Variants in NEGR1 observed in about 807,000 individuals in gnomAD.
NEGR1 encodes IgLON family member 4.
Under a neutral mutation model 40.9 loss-of-function variants are expected in NEGR1, and 10 were observed. The observed-to-expected ratio is 0.24, with a 90% confidence interval of 0.15 to 0.42. NEGR1 has a LOEUF of 0.42. Ranked by LOEUF, NEGR1 falls within the 10% of genes least tolerant of loss-of-function variation. NEGR1 has a pLI of 1.00. For missense variants in NEGR1, 352 were observed against 438.9 expected (o/e 0.80, Z 1.77); for synonymous variants, 185 against 166.8 (o/e 1.11, Z -0.84).
chr1:71,839,328 C>T (rs1054486118), intron 2 of NEGR1, among the ~76,000 whole-genome samples: 3 of 151,082 alleles, frequency 2.0e-5, no homozygotes, highest in African/African-American at 4.9e-5. Flanking sequence ...CTCAGCCTCC[C>T]GAGTAGCTGG....
intron 2 of NEGR1, among the ~76,000 whole-genome samples, chr1:71,799,914 G>A (rs1008943870): frequency 2.0e-5 from 3 of 152,112 alleles, no homozygotes; most frequent in African/African-American, 2.4e-5. Context: ...GGGTTTCACC[G>A]TATTAGCCAG....
intron 1 of NEGR1, among the ~76,000 whole-genome samples, chr1:72,051,647 T>C (rs1647062591): frequency 6.6e-6 from 1 of 151,496 alleles, no homozygotes; most frequent in African/African-American, 2.4e-5. Flanking sequence ...GAAGGGTTGG[T>C]AAATTTGTCC....
intron 1 of NEGR1, chr1:72,100,773 C>T (rs1648905713): frequency 6.6e-6 from 1 of 152,186 alleles, no homozygotes; most frequent in Non-Finnish European, 1.5e-5. Flanking sequence ...GCTTCCATAA[C>T]AAAATCCACA....
At chr1:71,613,268 A>G (rs185370640) in intron 4 of NEGR1, among the ~76,000 whole-genome samples, 45 of 152,220 alleles carry the variant, frequency 3.0e-4, no homozygotes, top group African/African-American at 1.0e-3. Flanking sequence ...TGACATAGAG[A>G]AAAAAAGAGG....
chr1:71,990,874 C>T (rs945028181), intron 1 of NEGR1, among the ~76,000 whole-genome samples: 2 of 151,198 alleles, frequency 1.3e-5, no homozygotes, highest in African/African-American at 2.4e-5. Flanking sequence ...TTAATAATGA[C>T]TCTCCCAATC....
At chr1:71,527,502 T>C (rs902490899) in intron 6 of NEGR1, among the ~76,000 whole-genome samples, 9 of 151,500 alleles carry the variant, frequency 5.9e-5, no homozygotes, top group African/African-American at 2.2e-4. Flanking sequence ...TCGAATTTTG[T>C]TTAGTAAATA....
At chr1:72,032,432 T>C (rs1174931847) in intron 1 of NEGR1, among the ~76,000 whole-genome samples, 3 of 152,164 alleles carry the variant, frequency 2.0e-5, no homozygotes, top group Non-Finnish European at 2.9e-5. Flanking sequence ...AATCTTGCAA[T>C]GGTATACAGA....
intron 4 of NEGR1, among the ~76,000 whole-genome samples, chr1:71,691,427 T>A (rs921594793): frequency 6.6e-6 from 1 of 151,816 alleles, no homozygotes; most frequent in Non-Finnish European, 1.5e-5. Flanking sequence ...TATTTAATGT[T>A]CAGTTCTTTT....
At chr1:71,462,087 A>G (rs1247742719) in intron 6 of NEGR1, among the ~76,000 whole-genome samples, 1 of 152,210 alleles carries the variant, frequency 6.6e-6, no homozygotes, top group African/African-American at 2.4e-5. Context: ...ACTAGGTGTT[A>G]TAAAACTATT....
chr1:72,125,159 T>C (rs1379809463), intron 1 of NEGR1, among the ~76,000 whole-genome samples: 4 of 152,012 alleles, frequency 2.6e-5, no homozygotes, highest in African/African-American at 9.7e-5. Flanking sequence ...ATAACACTTG[T>C]GATCACACCT....
chr1:72,138,223 CTAAT>C (rs1262519101), intron 1 of NEGR1, among the ~76,000 whole-genome samples: 1 of 149,976 alleles, frequency 6.7e-6, no homozygotes, highest in Non-Finnish European at 1.5e-5. Context: ...GTTCATACAA[CTAAT>C]TATTTTTTTA....
At chr1:71,850,757 T>C (rs76391817) in intron 2 of NEGR1, among the ~76,000 whole-genome samples, 75 of 152,316 alleles carry the variant, frequency 4.9e-4, no homozygotes, top group African/African-American at 1.7e-3. Flanking sequence ...ATTTAAGCAA[T>C]AATGTATCTA....
intron 1 of NEGR1, among the ~76,000 whole-genome samples, chr1:72,108,934 C>T (rs56062633): frequency 0.23 from 34,313 of 151,306 alleles, 4,431 homozygotes; most frequent in Non-Finnish European, 0.29. Flanking sequence ...TAAAACACAA[C>T]GCTACTTAAT....
intron 6 of NEGR1, among the ~76,000 whole-genome samples, chr1:71,411,850 A>C (rs562947764): frequency 1.3e-5 from 2 of 152,206 alleles, no homozygotes; most frequent in East Asian, 3.9e-4. Flanking sequence ...AAATACAAAA[A>C]AATAGCTGGG....
At chr1:72,190,763 C>A (rs531240608) in intron 1 of NEGR1, among the ~76,000 whole-genome samples, 2 of 151,460 alleles carry the variant, frequency 1.3e-5, no homozygotes, top group Admixed American at 1.3e-4. Context: ...AAAACTAGGG[C>A]CACTAAACTG....
At chr1:71,668,057 A>AT (rs145495650) in intron 4 of NEGR1, among the ~76,000 whole-genome samples, 6,022 of 152,130 alleles carry the variant, frequency 0.04, 203 homozygotes, top group Admixed American at 0.082. Context: ...TCTGTTATCT[A>AT]TTTTTTGTCT....
intron 3 of NEGR1, among the ~76,000 whole-genome samples, chr1:71,758,348 C>T (rs973582430): frequency 1.3e-5 from 2 of 151,968 alleles, no homozygotes; most frequent in East Asian, 3.9e-4. Flanking sequence ...TAAGATTTTA[C>T]AGTATTCTAA....
At chr1:71,497,436 G>GT (rs562772778) in intron 6 of NEGR1, among the ~76,000 whole-genome samples, 51 of 150,742 alleles carry the variant, frequency 3.4e-4, no homozygotes, top group Admixed American at 1.1e-3. Context: ...TAATTCCATA[G>GT]TTTTTTTTTC....
chr1:71,845,944 T>G (rs926267847), intron 2 of NEGR1, among the ~76,000 whole-genome samples: 2 of 147,804 alleles, frequency 1.4e-5, no homozygotes, highest in Admixed American at 1.4e-4. Flanking sequence ...TTTTTTTTTT[T>G]AAGAGATGAG....
Sources: gnomAD v4.1 joint callset for allele counts (sites outside exome capture counted in the v4.1 genomes callset) on GRCh38, gnomAD v4.1.1 for gene constraint, MANE v1.5 for transcripts, NCBI Gene and HGNC (gene_info 2026-07-23, HGNC 2026-07-21) for gene names.